Variants in NONO observed in about 807,000 individuals in gnomAD.
NONO encodes the protein non-POU domain-containing octamer-binding protein.
NONO carries 6 observed loss-of-function variants against 40.2 expected under a neutral mutation model. That is an observed-to-expected ratio of 0.15 (90% CI 0.08 to 0.29). The LOEUF is 0.29. Ranked by LOEUF, NONO falls within the 10% of genes least tolerant of loss-of-function variation. NONO has a pLI of 1.00. For missense variants in NONO, 133 were observed against 397.8 expected, an observed-to-expected ratio of 0.33 and a Z score of 5.66; for synonymous variants, 89 against 123.3, an observed-to-expected ratio of 0.72 and a Z score of 1.85.
In NONO at chrX:71,299,972, G is replaced by T. The variant is rs2031541707; in HGVS notation, c.1312G>T (p.Ala438Ser). ...TPPTTERFGQ[A>S]ATMEGIGAIG... is the part of the protein sequence containing the mutation. ...ACCAACAACTGAACGCTTTGGTCAG[G>T]CTGCTACAATGGAAGGAATTGGGGC... Residue 438 changes from alanine (A) to serine (S), a missense_variant, in exon 12 of 12, where the codon GCT becomes TCT. Ala to Ser is a moderately conservative substitution (Grantham distance 99). Coordinates refer to ENST00000276079, the MANE Select transcript of NONO (RefSeq NM_007363.5). The T allele has an allele frequency of 8.3e-7, 1 of 1,209,380 alleles. No homozygotes were observed. Among genetic ancestry groups the T allele is most frequent in the Admixed American group, 2.2e-5 (1 of 45,611 alleles).
chrX:71,298,845 A>G (rs1293161532), intron 11 of NONO, 29 bp downstream of exon 11: 1 of 1,077,517 alleles, frequency 9.3e-7, no homozygotes, highest in Non-Finnish European at 1.3e-6. Flanking sequence ...CTTAACAGTA[A>G]TTCTAAATGG....
chrX:71,298,331 G>A (rs960780584), intron 9 of NONO, 138 bp from the exon 10 acceptor site: 10 of 565,826 alleles, frequency 1.8e-5, no homozygotes, highest in Non-Finnish European at 2.5e-5. Context: ...CAACTAGCAA[G>A]GGTTGTGCTC....
intron 5 of NONO, among the ~76,000 whole-genome samples, chrX:71,296,332 T>C (rs2031451237): frequency 9.1e-6 from 1 of 110,219 alleles, no homozygotes; most frequent in Non-Finnish European, 1.9e-5. Context: ...CAGGCTTGTC[T>C]TGAACTCCTG....
chrX:71,292,625 C>A (rs1425165547), intron 4 of NONO: 1 of 111,985 alleles, frequency 8.9e-6, no homozygotes, highest in African/African-American at 3.2e-5. Context: ...TTTATCTGTA[C>A]CCTTTCCCTA....
intron 6 of NONO, 66 bp downstream of exon 6, chrX:71,296,726 G>A: frequency 9.9e-7 from 1 of 1,010,015 alleles, no homozygotes; most frequent in Non-Finnish European, 1.4e-6. Flanking sequence ...AAAGGGATAT[G>A]TAAAAGAGGC....
At chrX:71,288,677 C>G (rs898894678) in intron 2 of NONO, among the ~76,000 whole-genome samples, 1 of 113,031 alleles carries the variant, frequency 8.8e-6, no homozygotes, top group Non-Finnish European at 1.9e-5. Flanking sequence ...CAGGCATGAG[C>G]CATCTCGCCT....
intron 8 of NONO, 49 bp downstream of exon 8, chrX:71,297,510 C>A: frequency 1.1e-6 from 1 of 906,030 alleles, no homozygotes; most frequent in Non-Finnish European, 1.6e-6. Context: ...AAGGTAATGT[C>A]TCACTCCTCT....
At chrX:71,289,530 A>G (rs1479876570) in intron 2 of NONO, among the ~76,000 whole-genome samples, 1 of 111,413 alleles carries the variant, frequency 9.0e-6, no homozygotes. Flanking sequence ...TGACCTCGTG[A>G]TCTGCCTGCC....
intron 5 of NONO, among the ~76,000 whole-genome samples, chrX:71,295,275 A>G (rs768372111): frequency 2.9e-4 from 31 of 108,533 alleles, no homozygotes; most frequent in African/African-American, 8.7e-4. Flanking sequence ...TCACCAGGTC[A>G]GGAGATCGAG....
rs2031489857 is a variant in NONO, at chrX:71,297,984, A to G, written c.1131+46A>G. 6 of 866,319 alleles carry G rather than the reference A, an allele frequency of 6.9e-6. No individual in the cohort carries two copies. The Admixed American group carries it at 1.2e-4, about 18-fold the overall frequency. The allele number at this position is 866,319 out of a possible 1,213,427, so 71.4% of individuals were successfully genotyped here. ...TGATGTACCAGACCAGTCCTGATAA[A>G]CTCACCATGAATTGTCTGCTAGGTT... On this transcript the variant is annotated intron_variant, in intron 9 of 11. Transcript: ENST00000276079.
chrX:71,293,405 A>G (rs1002587267), intron 4 of NONO, among the ~76,000 whole-genome samples: 2 of 110,017 alleles, frequency 1.8e-5, no homozygotes, highest in Non-Finnish European at 3.8e-5. Context: ...CAACATGGTT[A>G]AACCCCGTCT....
intron 1 of NONO, chrX:71,284,006 G>C (rs1418908871): frequency 8.9e-6 from 1 of 111,967 alleles, no homozygotes; most frequent in Non-Finnish European, 1.9e-5. Context: ...GCCGGCCTCT[G>C]AGCCGCCCTG....
intron 2 of NONO, among the ~76,000 whole-genome samples, chrX:71,287,028 A>G (rs1338867224): frequency 8.9e-6 from 1 of 112,337 alleles, no homozygotes; most frequent in African/African-American, 3.2e-5. Context: ...ATCAAAATCA[A>G]TAGTTACCAA....
chrX:71,290,446 A>G (rs1427042423), intron 2 of NONO, among the ~76,000 whole-genome samples, 183 bp from the exon 3 acceptor site: 1 of 111,203 alleles, frequency 9.0e-6, no homozygotes, highest in African/African-American at 3.3e-5. Context: ...CATAGTTTCC[A>G]TATGCAGCAC....
At chrX:71,284,337 T>C (rs1199852789) in intron 1 of NONO, 60 bp from the exon 2 acceptor site, 1 of 112,091 alleles carries the variant, frequency 8.9e-6, no homozygotes, top group African/African-American at 3.2e-5. Flanking sequence ...TCGAGTATTT[T>C]ATTTTCCAGT....
At chrX:71,285,573 A>G (rs1047687866) in intron 2 of NONO, among the ~76,000 whole-genome samples, 11 of 111,881 alleles carry the variant, frequency 9.8e-5, no homozygotes, top group African/African-American at 3.6e-4. Flanking sequence ...GCCAAAAACA[A>G]CCACCTAAAT....
intron 2 of NONO, among the ~76,000 whole-genome samples, chrX:71,290,210 C>T (rs1173252094): frequency 9.0e-6 from 1 of 110,530 alleles, no homozygotes; most frequent in African/African-American, 3.3e-5. Context: ...CCACACCCAG[C>T]TAATTTTTGT....
chrX:71,300,659 G>A lies in NONO; in HGVS notation c.*583G>A, dbSNP rs1000182270. The A allele has an allele frequency of 4.2e-4, 76 of 182,360 alleles. No individual in the cohort carries two copies. The highest frequency in any genetic ancestry group is 2.8e-4 in the Non-Finnish European group (27 of 96,922). 15.0% of individuals were successfully genotyped at this position (182,360 alleles called of 1,213,427 possible). On this transcript the variant is annotated 3_prime_UTR_variant, in exon 12 of 12. Transcript: ENST00000276079. ...ACACTCCCCCAGCCCCAGAGAAACT[G>A]CCACATACACCACAAAAACCAAACA... is the stretch of plus-strand genomic sequence containing the variant.
At chrX:71,287,896 C>G (rs765496657) in intron 2 of NONO, among the ~76,000 whole-genome samples, 1 of 89,451 alleles carries the variant, frequency 1.1e-5, no homozygotes, top group South Asian at 6.0e-4. Flanking sequence ...AAATAAAGAC[C>G]GAGTCTTGCT....
Sources: gnomAD v4.1 joint callset for allele counts (sites outside exome capture counted in the v4.1 genomes callset) on GRCh38, gnomAD v4.1.1 for gene constraint, MANE v1.5 for transcripts, NCBI Gene and HGNC (gene_info 2026-07-23, HGNC 2026-07-21) for gene names.